Variants in APBA1 observed in about 807,000 individuals in gnomAD.
APBA1 encodes amyloid beta precursor protein binding family A member 1.
APBA1 carries 55 observed loss-of-function variants against 86.6 expected under a neutral mutation model. The observed-to-expected ratio is 0.64, with a 90% CI of 0.51 to 0.80. APBA1 has a LOEUF of 0.80. Ranked by LOEUF, APBA1 falls within the 30% of genes least tolerant of loss-of-function variation. The pLI is 0.00. For missense variants in APBA1, 1,090 were observed against 1,183.0 expected (o/e 0.92, Z 1.15); for synonymous variants, 511 against 493.9 (o/e 1.03, Z -0.46).
At chr9:69,670,505 T>C (rs186519947) in intron 1 of APBA1, among the ~76,000 whole-genome samples, 4 of 152,306 alleles carry the variant, frequency 2.6e-5, no homozygotes, top group African/African-American at 9.6e-5. Context: ...TCATACAACA[T>C]TTTAATAAAG....
At chr9:69,598,968 A>G (rs1221005141) in intron 1 of APBA1, among the ~76,000 whole-genome samples, 1 of 152,220 alleles carries the variant, frequency 6.6e-6, no homozygotes, top group Non-Finnish European at 1.5e-5. Flanking sequence ...TAAGCCAGTC[A>G]CAAAAGGACA....
intron 11 of APBA1, among the ~76,000 whole-genome samples, chr9:69,433,489 A>T (rs1008124781): frequency 6.6e-6 from 1 of 152,246 alleles, no homozygotes; most frequent in African/African-American, 2.4e-5. Context: ...CTGCTCTCTC[A>T]GCTAGTCTGG....
intron 1 of APBA1, among the ~76,000 whole-genome samples, chr9:69,669,976 A>G (rs1484351655): frequency 6.6e-6 from 1 of 152,138 alleles, no homozygotes; most frequent in East Asian, 1.9e-4. Context: ...TTTTTTTTAA[A>G]CCAAAATCTC....
chr9:69,672,969 A>T (rs1369774626), upstream of APBA1: 1 of 152,210 alleles, frequency 6.6e-6, no homozygotes, highest in Admixed American at 6.5e-5. Flanking sequence ...GGCCCCTTAG[A>T]TATCGCCTGC....
Position 69,429,097 on chromosome 9 carries a change from G to A in APBA1, c.*2230C>T, listed in dbSNP as rs917589900. 2 of 152,138 alleles carry A rather than the reference G, an allele frequency of 1.3e-5. No homozygotes were observed. Among genetic ancestry groups the A allele is most frequent in the East Asian group, 1.9e-4 (1 of 5,184 alleles). The allele number at this position is 152,138 out of a possible 1,614,324, so 9.4% of individuals were successfully genotyped here. On this transcript the variant is annotated 3_prime_UTR_variant, in exon 13 of 13. Coordinates refer to ENST00000265381, the MANE Select transcript of APBA1 (RefSeq NM_001163.4). ...CTGGAGTTCTGTCCCCTGGCCAGTC[G>A]TGGGCGGGCCTCTGTGGCACTGCCC... is the stretch of plus-strand genomic sequence containing the variant.
chr9:69,549,687 CAATA>C (rs1224658500), intron 1 of APBA1, among the ~76,000 whole-genome samples: 1 of 152,100 alleles, frequency 6.6e-6, no homozygotes, highest in Non-Finnish European at 1.5e-5. Flanking sequence ...TCAATTCAAT[CAATA>C]GTTATAAAGT....
At chr9:69,609,429 T>C (rs1453743446) in intron 1 of APBA1, among the ~76,000 whole-genome samples, 2 of 152,244 alleles carry the variant, frequency 1.3e-5, no homozygotes, top group Non-Finnish European at 1.5e-5. Flanking sequence ...TTGTTACTGA[T>C]CCTTGTAGCC....
At chr9:69,473,707 TAA>T (rs1564046167) in intron 3 of APBA1, among the ~76,000 whole-genome samples, 1 of 151,984 alleles carries the variant, frequency 6.6e-6, no homozygotes, top group Non-Finnish European at 1.5e-5. Context: ...AAAAAAAAGA[TAA>T]GTTTGAAAAA....
At chr9:69,538,313 AATTAC>A (rs1464275876) in intron 1 of APBA1, among the ~76,000 whole-genome samples, 1 of 152,204 alleles carries the variant, frequency 6.6e-6, no homozygotes, top group Non-Finnish European at 1.5e-5. Flanking sequence ...TTAAAATTCT[AATTAC>A]GGGTTGACAT....
chr9:69,614,086 C>CT (rs1349513107), intron 1 of APBA1, among the ~76,000 whole-genome samples: 7 of 151,940 alleles, frequency 4.6e-5, no homozygotes, highest in African/African-American at 1.7e-4. Context: ...TGTTTGTTTG[C>CT]TTTTTACATC....
intron 1 of APBA1, among the ~76,000 whole-genome samples, chr9:69,646,695 A>G (rs1413151217): frequency 1.3e-5 from 2 of 152,250 alleles, no homozygotes; most frequent in Non-Finnish European, 2.9e-5. Flanking sequence ...CAGGGCTGAG[A>G]GCATGAGTGA....
At chr9:69,500,536 T>C (rs1835865527) in intron 2 of APBA1, among the ~76,000 whole-genome samples, 1 of 151,876 alleles carries the variant, frequency 6.6e-6, no homozygotes, top group Admixed American at 6.5e-5. Context: ...GAGCAGCGCA[T>C]CTGTGTGACT....
In APBA1 at chr9:69,431,141, G is replaced by GAA. The variant is rs772262179; in HGVS notation, c.*184_*185dup. 513 of 284,736 alleles carry GAA rather than the reference G, an allele frequency of 1.8e-3. No individual in the cohort carries two copies. The highest frequency in any genetic ancestry group is 4.1e-3 in the South Asian group (67 of 16,154). The allele number at this position is 284,736 out of a possible 1,614,324, so 17.6% of individuals were successfully genotyped here. A position where few individuals can be genotyped will look rare whatever the true frequency, so the allele number is the denominator to read the frequency against. On this transcript the variant is annotated 3_prime_UTR_variant, in exon 13 of 13. Transcript: ENST00000265381. Reference sequence around the variant, plus strand: ...GTGCATACGAAACTTCCCTGGTATTGAAAAAAAAAAAAAAAAAAAAGCAAA... The same window carrying GAA: ...GTGCATACGAAACTTCCCTGGTATTGAAAAAAAAAAAAAAAAAAAAAAGCAAA...
intron 1 of APBA1, among the ~76,000 whole-genome samples, chr9:69,666,908 T>TA (rs1167055760): frequency 1.3e-5 from 2 of 152,160 alleles, no homozygotes; most frequent in Admixed American, 6.5e-5. Context: ...CTAGCTTACT[T>TA]AAAAAAAGTT....
At chr9:69,549,853 C>A (rs184451455) in intron 1 of APBA1, among the ~76,000 whole-genome samples, 1 of 152,154 alleles carries the variant, frequency 6.6e-6, no homozygotes, top group Non-Finnish European at 1.5e-5. Flanking sequence ...ATTTTTCTAA[C>A]TTATTTCCCA....
In APBA1 at chr9:69,449,788, T is replaced by A. The variant is rs750291532; in HGVS notation, c.1977A>T (p.Ile659=). The A allele has an allele frequency of 4.3e-6, 7 of 1,609,446 alleles. No homozygotes were observed. The highest frequency in any genetic ancestry group is 6.0e-6 in the Non-Finnish European group (7 of 1,176,198). ...CTAGGATTTCTCCTTTCTGCTTCTCTATGAAAACCTGGAAGGAGAAAAACA... is the reference window on the plus strand; with the variant it reads ...CTAGGATTTCTCCTTTCTGCTTCTCAATGAAAACCTGGAAGGAGAAAAACA... The part of the protein sequence containing the change: ...SKSENCKDVF[I]EKQKGEILGV... The change falls in exon 10 of 13, where the codon ATA becomes ATT. Residue 659 remains isoleucine (I), a synonymous_variant. Coordinates refer to ENST00000265381, the MANE Select transcript of APBA1 (RefSeq NM_001163.4).
chr9:69,571,163 T>C (rs2133948109), intron 1 of APBA1, among the ~76,000 whole-genome samples: 1 of 152,316 alleles, frequency 6.6e-6, no homozygotes, highest in East Asian at 1.9e-4. Context: ...GGAAAAAATG[T>C]TACCTGTTGA....
intron 1 of APBA1, among the ~76,000 whole-genome samples, chr9:69,565,093 TAA>T (rs1310901021): frequency 5.3e-5 from 8 of 152,172 alleles, no homozygotes; most frequent in Admixed American, 1.3e-4. Context: ...GAAAATGTTC[TAA>T]AATACTTTTT....
chr9:69,556,893 G>A (rs1490564390), intron 1 of APBA1, among the ~76,000 whole-genome samples: 4 of 152,164 alleles, frequency 2.6e-5, no homozygotes, highest in African/African-American at 9.7e-5. Flanking sequence ...GCTTGAAGGA[G>A]GTTACCTATG....
Sources: allele counts gnomAD v4.1 joint callset (sites outside exome capture counted in the v4.1 genomes callset), GRCh38; gene constraint gnomAD v4.1.1; transcripts MANE v1.5; gene names NCBI Gene and HGNC (gene_info 2026-07-23, HGNC 2026-07-21).